Variants in OSBPL3 observed in about 807,000 individuals in gnomAD.
OSBPL3 encodes oxysterol-binding protein-related protein 3.
Under a neutral mutation model 120.1 loss-of-function variants are expected in OSBPL3, and 65 were observed. The observed-to-expected ratio is 0.54, with a 90% CI of 0.44 to 0.67. The LOEUF is 0.67. Ranked by LOEUF, OSBPL3 falls within the 30% of genes least tolerant of loss-of-function variation. OSBPL3 has a pLI of 0.00. For synonymous variants in OSBPL3, 416 were observed against 402.6 expected (o/e 1.03, Z -0.40); for missense variants, 1,004 against 1,082.1 (o/e 0.93, Z 1.01).
At chr7:24,977,728 C>T (rs1817743107) in intron 1 of OSBPL3, among the ~76,000 whole-genome samples, 2 of 152,110 alleles carry the variant, frequency 1.3e-5, no homozygotes, top group African/African-American at 2.4e-5. Flanking sequence ...TGGTGACGGG[C>T]GCCTGTAGTC....
In OSBPL3 at chr7:24,808,745, C is replaced by T. The variant is rs772364899; in HGVS notation, c.2317+1062G>A. 6.6e-6 allele frequency among the ~76,000 whole-genome samples: 1 copy of T among 152,218 alleles called. No homozygotes were observed. The highest frequency in any genetic ancestry group is 1.5e-5 in the Non-Finnish European group (1 of 68,028). On this transcript the variant is annotated intron_variant, in intron 20 of 22. Transcript: ENST00000313367. The surrounding 1 kb of genome is among the most constrained non-coding windows in gnomAD (Gnocchi z 4.6). ...CTTACTGGGGATTAATCCAAGACAT[C>T]TAAATCTCTCTTGCCTACTCTGTTG... is the stretch of plus-strand genomic sequence containing the variant.
chr7:24,976,631 C>A (rs577790807), intron 1 of OSBPL3, among the ~76,000 whole-genome samples: 65 of 152,318 alleles, frequency 4.3e-4, no homozygotes, highest in Non-Finnish European at 7.4e-4. Context: ...ATAAACAACT[C>A]TCAATTATGC....
At position 24,861,753 on chromosome 7, in the gene OSBPL3, GA is replaced by G; in HGVS notation, c.886del (p.Ser296LeufsTer4). The G allele has an allele frequency of 3.8e-6, 6 of 1,593,770 alleles. No homozygotes were observed. The highest frequency in any genetic ancestry group is 2.3e-5 in the East Asian group (1 of 44,378). ...KGTLQVPKPF[S>X]GPVRLHSSNP... ...GGAGGAGTGTAGTCTTACTGGGCCA[GA>G]AAAAGGTTTCGGGACCTGAAGTAAC... On this transcript the variant is annotated frameshift_variant, in exon 10 of 23. Coordinates refer to ENST00000313367, the MANE Select transcript of OSBPL3 (RefSeq NM_015550.4). LOFTEE classifies it high-confidence loss of function.
rs1239629504 is a variant in OSBPL3 at position 24,815,347 on chromosome 7, G to A, written c.2028-144C>T. On this transcript the variant is annotated intron_variant, in intron 18 of 22. Coordinates refer to ENST00000313367, the MANE Select transcript of OSBPL3 (RefSeq NM_015550.4). This position sits in a 1 kb window ranked among gnomAD's most constrained non-coding sequence, Gnocchi z 5.1. ...GAAGCAACACTGGCTAAGTGTCTAT[G>A]TCACACTGGATGTTCTAGGAGCTTC... 1 of 662,622 alleles carries A rather than the reference G, an allele frequency of 1.5e-6. No individual in the cohort carries two copies. Among genetic ancestry groups the A allele is most frequent in the Non-Finnish European group, 2.6e-6 (1 of 386,124 alleles). The allele number at this position is 662,622 out of a possible 1,614,324, so 41.0% of individuals were successfully genotyped here.
Position 24,947,108 on chromosome 7 carries a change from C to A in OSBPL3, c.-150+32778G>T, listed in dbSNP as rs1048981307. Reference sequence around the variant, plus strand: ...CTGTCTAAAAACAAAGTCAGGAGTGCCCCATCCTTGATGATGGTCAAGTCA... The same window carrying A: ...CTGTCTAAAAACAAAGTCAGGAGTGACCCATCCTTGATGATGGTCAAGTCA... On this transcript the variant is annotated intron_variant, in intron 1 of 22. Coordinates refer to ENST00000313367, the MANE Select transcript of OSBPL3 (RefSeq NM_015550.4). The surrounding 1 kb of genome is among the most constrained non-coding windows in gnomAD (Gnocchi z 4.4). Among the ~76,000 whole-genome samples the A allele has an allele frequency of 4.6e-5, 7 of 152,154 alleles. No homozygotes were observed. The highest frequency in any genetic ancestry group is 8.8e-5 in the Non-Finnish European group (6 of 68,012).
Position 24,900,990 on chromosome 7 carries a change from C to T in OSBPL3, c.-149-8369G>A, listed in dbSNP as rs186856213. On this transcript the variant is annotated intron_variant, in intron 1 of 22. Coordinates refer to ENST00000313367, the MANE Select transcript of OSBPL3 (RefSeq NM_015550.4). The surrounding 1 kb of genome is among the most constrained non-coding windows in gnomAD (Gnocchi z 4.5). Reference sequence around the variant, plus strand: ...GAGCTGAGGTTTTGCCACTGCACTCCAGCCTGGGCTACAGAGCCAGACCTT... The same window carrying T: ...GAGCTGAGGTTTTGCCACTGCACTCTAGCCTGGGCTACAGAGCCAGACCTT... Among the ~76,000 whole-genome samples, 23 of 147,944 alleles carry T rather than the reference C, an allele frequency of 1.6e-4. No homozygotes were observed. The highest frequency in any genetic ancestry group is 3.0e-4 in the Non-Finnish European group (20 of 67,504).
In OSBPL3 at chr7:24,879,759, G is replaced by A. The variant is rs1205272026; in HGVS notation, c.97-7690C>T. On this transcript the variant is annotated intron_variant, in intron 2 of 22. Transcript: ENST00000313367. The surrounding 1 kb of genome is among the most constrained non-coding windows in gnomAD (Gnocchi z 5.6). ...CTTTCCAACTGTATTGACCACAGAC[G>A]GATTTATAATTAAAATAGCATTAAT... Among the ~76,000 whole-genome samples, 5 of 152,070 alleles carry A rather than the reference G, an allele frequency of 3.3e-5. No homozygotes were observed. The highest frequency in any genetic ancestry group is 3.8e-4 in the East Asian group (2 of 5,204).
At chr7:24,920,008 A>C (rs1164116305) in intron 1 of OSBPL3, among the ~76,000 whole-genome samples, 3 of 152,084 alleles carry the variant, frequency 2.0e-5, no homozygotes, top group Non-Finnish European at 4.4e-5. Flanking sequence ...AGACAATAAC[A>C]AGTGTTATCA....
chr7:24,856,132 G>T (rs1273446201), intron 10 of OSBPL3, among the ~76,000 whole-genome samples: 1 of 152,180 alleles, frequency 6.6e-6, no homozygotes, highest in Non-Finnish European at 1.5e-5. Context: ...TGGCATCTGC[G>T]ATGATTCATC....
At chr7:24,977,841 G>T (rs905379675) in intron 1 of OSBPL3, among the ~76,000 whole-genome samples, 1 of 152,214 alleles carries the variant, frequency 6.6e-6, no homozygotes, top group African/African-American at 2.4e-5. Context: ...GGGCGACAGC[G>T]TGAGACTACG....
rs1310929047 is a variant in OSBPL3, at chr7:24,818,337, A to G, written c.1949-1649T>C. 6.6e-6 allele frequency among the ~76,000 whole-genome samples: 1 copy of G among 152,182 alleles called. No homozygotes were observed. The highest frequency in any genetic ancestry group is 2.1e-4 in the South Asian group (1 of 4,830). On this transcript the variant is annotated intron_variant, in intron 17 of 22. Coordinates refer to ENST00000313367, the MANE Select transcript of OSBPL3 (RefSeq NM_015550.4). This position sits in a 1 kb window ranked among gnomAD's most constrained non-coding sequence, Gnocchi z 4.0. ...GGTATATAAGTTATATGTTCATAAAATTGTTACCAAGAGAAAAAAAAGATA... is the reference window on the plus strand; with the variant it reads ...GGTATATAAGTTATATGTTCATAAAGTTGTTACCAAGAGAAAAAAAAGATA...
chr7:24,814,732 C>T (rs1193273648), intron 19 of OSBPL3, among the ~76,000 whole-genome samples: 2 of 152,210 alleles, frequency 1.3e-5, no homozygotes, highest in Admixed American at 1.3e-4. Flanking sequence ...GAAGTGGAAT[C>T]ATGTAATATT....
chr7:24,834,466 A>AGG lies in OSBPL3; in HGVS notation c.1746+18_1746+19dup, dbSNP rs1302556496. The AGG allele has an allele frequency of 6.3e-7, 1 of 1,598,840 alleles. No individual in the cohort carries two copies. The highest frequency in any genetic ancestry group is 1.7e-4 in the Middle Eastern group (1 of 5,994). On this transcript the variant is annotated intron_variant, in intron 15 of 22. Transcript: ENST00000313367. The surrounding 1 kb of genome is among the most constrained non-coding windows in gnomAD (Gnocchi z 5.2). ...TGGGGACCGAGGCTGGACAGTGGCA[A>AGG]GGGAAGGCTGACTCCTCACCATCCT...
chr7:24,896,333 C>G lies in OSBPL3; in HGVS notation c.-149-3712G>C, dbSNP rs867695009. Among the ~76,000 whole-genome samples, 37 of 152,228 alleles carry G rather than the reference C, an allele frequency of 2.4e-4. No individual in the cohort carries two copies. Among genetic ancestry groups the G allele is most frequent in the African/African-American group, 8.7e-4 (36 of 41,448 alleles). ...ATGACGTTTGTGCCTCTAAGATGAG[C>G]TTCATTGTCTCTCACCACTGCCACC... On this transcript the variant is annotated intron_variant, in intron 1 of 22. Transcript: ENST00000313367. The surrounding 1 kb of genome is among the most constrained non-coding windows in gnomAD (Gnocchi z 4.4).
Position 24,863,073 on chromosome 7 carries a change from A to C in OSBPL3, c.870+127T>G. ...TTCAATTCATCTCGCTACAGAGGAC[A>C]CTGGAAAGAACAACTACAGAATATT... On this transcript the variant is annotated intron_variant, in intron 9 of 22. Coordinates refer to ENST00000313367, the MANE Select transcript of OSBPL3 (RefSeq NM_015550.4). This position sits in a 1 kb window ranked among gnomAD's most constrained non-coding sequence, Gnocchi z 5.8. 1 of 692,426 alleles carries C rather than the reference A, an allele frequency of 1.4e-6. No individual in the cohort carries two copies. Among genetic ancestry groups the C allele is most frequent in the Admixed American group, 2.2e-5 (1 of 45,508 alleles). The allele number at this position is 692,426 out of a possible 1,614,324, so 42.9% of individuals were successfully genotyped here. A position where few individuals can be genotyped will look rare whatever the true frequency, so the allele number is the denominator to read the frequency against.
chr7:24,926,122 C>A (rs1189768817), intron 1 of OSBPL3, among the ~76,000 whole-genome samples: 2 of 152,148 alleles, frequency 1.3e-5, no homozygotes, highest in Non-Finnish European at 2.9e-5. Flanking sequence ...AGAACAATTA[C>A]CCCTCAGGTG....
At position 24,967,829 on chromosome 7, in the gene OSBPL3, C is replaced by T. The variant is rs1256313574; in HGVS notation, c.-150+12057G>A. Among the ~76,000 whole-genome samples, 4 of 152,140 alleles carry T rather than the reference C, an allele frequency of 2.6e-5. No homozygotes were observed. Among genetic ancestry groups the T allele is most frequent in the Admixed American group, 2.6e-4 (4 of 15,280 alleles). On this transcript the variant is annotated intron_variant, in intron 1 of 22. Coordinates refer to ENST00000313367, the MANE Select transcript of OSBPL3 (RefSeq NM_015550.4). This position sits in a 1 kb window ranked among gnomAD's most constrained non-coding sequence, Gnocchi z 5.6. ...CTCCCAGAACTGATCAACAGCTCTG[C>T]CCTCTCTCTTGCACTGTTGCTGGAC...
intron 1 of OSBPL3, among the ~76,000 whole-genome samples, chr7:24,902,738 G>T (rs1807246797): frequency 1.0e-5 from 1 of 95,960 alleles, no homozygotes; most frequent in South Asian, 4.5e-4. Flanking sequence ...TAATAATAAA[G>T]AAAGGACTCT....
rs898488456 is a variant in OSBPL3 at position 24,873,920 on chromosome 7, C to G, written c.97-1851G>C. Among the ~76,000 whole-genome samples the G allele has an allele frequency of 6.6e-6, 1 of 152,186 alleles. No individual in the cohort carries two copies. Among genetic ancestry groups the G allele is most frequent in the South Asian group, 2.1e-4 (1 of 4,828 alleles). Reference sequence around the variant, plus strand: ...CATCCTTAGAGACTCCATAGGTACTCCATCTTACTTTTCTGGAGGTTCACC... The same window carrying G: ...CATCCTTAGAGACTCCATAGGTACTGCATCTTACTTTTCTGGAGGTTCACC... On this transcript the variant is annotated intron_variant, in intron 2 of 22. Transcript: ENST00000313367. The surrounding 1 kb of genome is among the most constrained non-coding windows in gnomAD (Gnocchi z 4.1).
Sources: gnomAD v4.1 joint callset for allele counts (sites outside exome capture counted in the v4.1 genomes callset) on GRCh38, gnomAD v4.1.1 for gene constraint, Gnocchi (gnomAD v3.1) non-coding constraint, MANE v1.5 for transcripts, NCBI Gene and HGNC (gene_info 2026-07-23, HGNC 2026-07-21) for gene names.